The following PADI1 variants were observed in gnomAD, a reference collection of about 807,000 sequenced individuals.
The protein encoded by PADI1 is protein-arginine deiminase type-1.
Under a neutral mutation model 74.8 loss-of-function variants are expected in PADI1, and 65 were observed. That is an observed-to-expected ratio of 0.87 (90% CI 0.71 to 1.07). PADI1 has a LOEUF of 1.07. Among genes scored for constraint, PADI1 ranks in the 50% least tolerant of loss-of-function variants. The pLI, the probability that PADI1 is intolerant of heterozygous loss-of-function variation, is 0.00. For missense variants in PADI1, 943 were observed against 854.0 expected (o/e 1.10, Z -1.30); for synonymous variants, 371 against 336.2 (o/e 1.10, Z -1.13).
At position 17,223,645 on chromosome 1, in the gene PADI1, C is replaced by G. The variant is rs748184667; in HGVS notation, c.298C>G (p.Gln100Glu). ...GGTGAGGGTCTCCTACTTTGGGGAG[C>G]AGGAAGACCAAGCTCTGGGCCGCAG... ...FKVRVSYFGE[Q>E]EDQALGRSVL... The change falls in exon 3 of 16, where the codon CAG becomes GAG. Residue 100 changes from glutamine to glutamate, a missense_variant. Coordinates refer to ENST00000375471, the MANE Select transcript of PADI1 (RefSeq NM_013358.3). The G allele has an allele frequency of 6.2e-7, 1 of 1,614,012 alleles. No homozygotes were observed. The highest frequency in any genetic ancestry group is 1.7e-5 in the Admixed American group (1 of 60,032).
At chr1:17,225,323 C>G (rs909421685) in intron 4 of PADI1, among the ~76,000 whole-genome samples, 1 of 152,188 alleles carries the variant, frequency 6.6e-6, no homozygotes, top group African/African-American at 2.4e-5. Flanking sequence ...GCCATGTTTC[C>G]CGACTTGGCT....
Position 17,244,538 on chromosome 1 carries a change from C to G in PADI1, c.*295C>G, listed in dbSNP as rs967058017. The G allele has an allele frequency of 3.0e-5, 15 of 499,652 alleles. No individual in the cohort carries two copies. The Admixed American group carries it at 3.5e-4, about 12-fold the overall frequency. 31.0% of individuals were successfully genotyped at this position (499,652 alleles called of 1,614,324 possible). On this transcript the variant is annotated 3_prime_UTR_variant, in exon 16 of 16. Transcript: ENST00000375471. ...ATGTTCCAGAATGGCTGTGGGAGGCCTAGGGAGATGGGCCCCACTTAGAAT... is the reference window on the plus strand; with the variant it reads ...ATGTTCCAGAATGGCTGTGGGAGGCGTAGGGAGATGGGCCCCACTTAGAAT...
Position 17,238,666 on chromosome 1 carries a change from A to C in PADI1, c.1509A>C (p.Gln503His), listed in dbSNP as rs765251188. Reference sequence around the variant, plus strand: ...CCAGCGCTTGCCTCAAACTCTTCCAAGAGAAGAAAGAAGAGGGTTATGGGG... The same window carrying C: ...CCAGCGCTTGCCTCAAACTCTTCCACGAGAAGAAAGAAGAGGGTTATGGGG... ...ASPSACLKLF[Q>H]EKKEEGYGEA... Residue 503 changes from glutamine to histidine, a missense_variant, in exon 13 of 16, where the codon CAA (glutamine) becomes CAC (histidine). Coordinates refer to ENST00000375471, the MANE Select transcript of PADI1 (RefSeq NM_013358.3). The C allele has an allele frequency of 3.7e-5, 57 of 1,556,212 alleles. No individual in the cohort carries two copies. The highest frequency in any genetic ancestry group is 4.9e-5 in the Non-Finnish European group (56 of 1,145,486).
In PADI1 at chr1:17,235,012, G is replaced by A. The variant is rs139353223; in HGVS notation, c.1313+2042G>A. ...CACGCCCATGGTCCCAGCTACTTGG[G>A]AGGCTGAGGTAGGAGAATTGCTTGA... On this transcript the variant is annotated intron_variant, in intron 11 of 15. Transcript: ENST00000375471. 8.0e-3 allele frequency among the ~76,000 whole-genome samples: 1,220 copies of A among 152,060 alleles called. 21 individuals are homozygous for A. Among genetic ancestry groups the A allele is most frequent in the African/African-American group, 0.028 (1,145 of 41,448 alleles).
At chr1:17,243,947 G>A in intron 15 of PADI1, 63 bp from the exon 16 acceptor site, 5 of 1,155,716 alleles carry the variant, frequency 4.3e-6, no homozygotes, top group South Asian at 4.2e-5. Context: ...TGGCAAGGAA[G>A]GGGTGCCAGA....
chr1:17,220,925 G>A (rs1444015298), intron 1 of PADI1, among the ~76,000 whole-genome samples: 1 of 152,206 alleles, frequency 6.6e-6, no homozygotes, highest in Non-Finnish European at 1.5e-5. Context: ...CCCCTCTGAT[G>A]CTGTGGGCCA....
At chr1:17,239,046 G>A (rs1485505166) in intron 13 of PADI1, among the ~76,000 whole-genome samples, 1 of 152,238 alleles carries the variant, frequency 6.6e-6, no homozygotes, top group African/African-American at 2.4e-5. Flanking sequence ...ACAGGGCTAT[G>A]CAGCCAGGGA....
chr1:17,210,765 C>G (rs1461142222), intron 1 of PADI1, among the ~76,000 whole-genome samples: 1 of 152,176 alleles, frequency 6.6e-6, no homozygotes, highest in Non-Finnish European at 1.5e-5. Flanking sequence ...TCCAGCAGCC[C>G]CAGCCAGCCC....
Position 17,225,865 on chromosome 1 carries a change from G to C in PADI1, c.463G>C (p.Asp155His). 6.2e-7 allele frequency: 1 copy of C among 1,614,148 alleles called. No individual in the cohort carries two copies. ...TGGGGCTATCTTGCTGGTGAACTGT[G>C]ACCGGGACAATCACAGGTCCGCAGA... The part of the protein sequence containing the change: ...GYGAILLVNC[D>H]RDNHRSAEPD... Residue 155 changes from aspartate to histidine, a missense_variant, in exon 5 of 16, where the codon GAC becomes CAC. Asp to His is a moderately conservative substitution (Grantham distance 81, BLOSUM62 -1). Coordinates refer to ENST00000375471, the MANE Select transcript of PADI1 (RefSeq NM_013358.3).
intron 8 of PADI1, among the ~76,000 whole-genome samples, chr1:17,229,750 G>A (rs1183404176): frequency 6.6e-6 from 1 of 152,176 alleles, no homozygotes; most frequent in Non-Finnish European, 1.5e-5. Context: ...TGTGGAACAG[G>A]AGTAGATGGG....
intron 1 of PADI1, among the ~76,000 whole-genome samples, chr1:17,206,647 C>T (rs2071688719): frequency 6.7e-6 from 1 of 149,668 alleles, no homozygotes; most frequent in African/African-American, 2.5e-5. Flanking sequence ...AAATAATCTG[C>T]TGTTTAGCTG....
chr1:17,227,270 G>A (rs1487915859), intron 6 of PADI1, among the ~76,000 whole-genome samples: 3 of 149,548 alleles, frequency 2.0e-5, no homozygotes, highest in Admixed American at 6.7e-5. Context: ...AAAATTGGCC[G>A]GGCCCAGTGG....
intron 1 of PADI1, among the ~76,000 whole-genome samples, chr1:17,215,907 G>A (rs1351627338): frequency 6.6e-6 from 1 of 152,210 alleles, no homozygotes; most frequent in African/African-American, 2.4e-5. Context: ...CGGTGCCATG[G>A]GCTGGAATGA....
chr1:17,207,658 C>T (rs1013913586), intron 1 of PADI1, among the ~76,000 whole-genome samples: 63 of 152,318 alleles, frequency 4.1e-4, no homozygotes, highest in African/African-American at 1.3e-3. Flanking sequence ...AGCTCCTTAG[C>T]GTCCTCAAAT....
At chr1:17,221,888 C>T (rs72646746) in intron 1 of PADI1, among the ~76,000 whole-genome samples, 5,208 of 152,320 alleles carry the variant, frequency 0.034, 102 homozygotes, top group African/African-American at 0.053. Context: ...ACAACACGCT[C>T]TGCTGTGTGC....
At position 17,244,815 on chromosome 1, in the gene PADI1, G is replaced by A; in HGVS notation, c.*572G>A. On this transcript the variant is annotated 3_prime_UTR_variant, in exon 16 of 16. Coordinates refer to ENST00000375471, the MANE Select transcript of PADI1 (RefSeq NM_013358.3). ...CCTTCAGCTGTGTGTGGACAAACAA[G>A]GACAGAAAAACCCAGTGTCCAAGGG... 2 of 203,582 alleles carry A rather than the reference G, an allele frequency of 9.8e-6. No homozygotes were observed. Among genetic ancestry groups the A allele is most frequent in the Admixed American group, 5.4e-5 (1 of 18,660 alleles). The allele number at this position is 203,582 out of a possible 1,614,324, so 12.6% of individuals were successfully genotyped here. A position where few individuals can be genotyped will look rare whatever the true frequency, so the allele number is the denominator to read the frequency against.
At chr1:17,224,569 G>T in intron 4 of PADI1, 141 bp downstream of exon 4, 1 of 695,364 alleles carries the variant, frequency 1.4e-6, no homozygotes, top group Non-Finnish European at 2.6e-6. Context: ...ACCCATCTGG[G>T]ACAGCAAAAT....
chr1:17,222,532 C>A (rs1442868770), intron 2 of PADI1, 62 bp downstream of exon 2: 4 of 1,307,422 alleles, frequency 3.1e-6, no homozygotes, highest in Non-Finnish European at 4.4e-6. Flanking sequence ...AAGGTAAGAG[C>A]CCCACATTGG....
chr1:17,221,468 CAAGA>C (rs1557459992), intron 1 of PADI1, among the ~76,000 whole-genome samples: 4 of 46,708 alleles, frequency 8.6e-5, no homozygotes, highest in Admixed American at 3.0e-4. Context: ...GACTCTGTCT[CAAGA>C]AAAAAAAAAA....
Sources: gnomAD v4.1 joint callset for allele counts (sites outside exome capture counted in the v4.1 genomes callset) on GRCh38, gnomAD v4.1.1 for gene constraint, MANE v1.5 for transcripts, NCBI Gene and HGNC (gene_info 2026-07-23, HGNC 2026-07-21) for gene names.